CYTH1: variants seen among roughly 807,000 people sequenced by gnomAD.
CYTH1 encodes the protein cytohesin-1.
CYTH1 carries 18 observed loss-of-function variants against 61.8 expected under a neutral mutation model. The ratio of observed to expected loss-of-function variants is 0.29; its 90% CI spans 0.20 to 0.43. The LOEUF is 0.43. Ranked by LOEUF, CYTH1 falls within the 20% of genes least tolerant of loss-of-function variation. The probability of loss-of-function intolerance (pLI) is 1.00; values close to 1 mark genes in which losing one functional copy is unlikely to be tolerated. For synonymous variants in CYTH1, 174 were observed against 184.3 expected, an observed-to-expected ratio of 0.94 and a Z score of 0.45; for missense variants, 336 against 510.5, an observed-to-expected ratio of 0.66 and a Z score of 3.29.
chr17:78,776,542 C>T (rs2093491797), intron 1 of CYTH1, among the ~76,000 whole-genome samples: 1 of 151,684 alleles, frequency 6.6e-6, no homozygotes, highest in South Asian at 2.1e-4. Context: ...GCCTGTTGTC[C>T]CAGCTACTCA....
intron 11 of CYTH1, among the ~76,000 whole-genome samples, chr17:78,688,440 T>C (rs1316385419): frequency 6.6e-6 from 1 of 152,188 alleles, no homozygotes; most frequent in African/African-American, 2.4e-5. Flanking sequence ...TCTCTAACAA[T>C]TGTGCCTCAA....
intron 1 of CYTH1, among the ~76,000 whole-genome samples, chr17:78,747,847 T>C (rs145646814): frequency 3.0e-4 from 46 of 152,350 alleles, no homozygotes; most frequent in African/African-American, 1.0e-3. Flanking sequence ...ACTGCTGCTA[T>C]AAGCACGTAA....
At chr17:78,688,083 C>G (rs1000951511) in intron 11 of CYTH1, among the ~76,000 whole-genome samples, 1 of 152,182 alleles carries the variant, frequency 6.6e-6, no homozygotes, top group Non-Finnish European at 1.5e-5. Context: ...TCAGGTGACA[C>G]TTTTTGGCTA....
At chr17:78,758,186 A>C (rs79458485) in intron 1 of CYTH1, among the ~76,000 whole-genome samples, 4,306 of 152,294 alleles carry the variant, frequency 0.028, 205 homozygotes, top group African/African-American at 0.096. Context: ...ACAAAGTGGA[A>C]ACTTCTAAAT....
chr17:78,752,367 C>T (rs755766795), intron 1 of CYTH1, among the ~76,000 whole-genome samples: 1 of 152,134 alleles, frequency 6.6e-6, no homozygotes, highest in Non-Finnish European at 1.5e-5. Flanking sequence ...AGTAAAATCT[C>T]TACTATCAAT....
chr17:78,775,337 CCT>C (rs1424089570), intron 1 of CYTH1, among the ~76,000 whole-genome samples: 1 of 152,130 alleles, frequency 6.6e-6, no homozygotes, highest in South Asian at 2.1e-4. Context: ...TCTTTTTACC[CCT>C]GTCCTGAGTA....
intron 1 of CYTH1, among the ~76,000 whole-genome samples, chr17:78,776,841 A>G (rs903772005): frequency 2.0e-5 from 3 of 151,620 alleles, no homozygotes; most frequent in African/African-American, 7.3e-5. Context: ...AAAGAAACCA[A>G]TAGGCCAGGT....
chr17:78,739,970 C>G (rs183432740), intron 1 of CYTH1, among the ~76,000 whole-genome samples: 1 of 152,066 alleles, frequency 6.6e-6, no homozygotes. Flanking sequence ...GAGTCTCGCT[C>G]TGTTGCCCAG....
At chr17:78,731,957 A>C (rs1274837389) in intron 1 of CYTH1, among the ~76,000 whole-genome samples, 1 of 152,226 alleles carries the variant, frequency 6.6e-6, no homozygotes. Flanking sequence ...TTTAACCAGC[A>C]GTAAACTGCA....
At chr17:78,729,240 T>G (rs757147049) in intron 1 of CYTH1, among the ~76,000 whole-genome samples, 1 of 152,158 alleles carries the variant, frequency 6.6e-6, no homozygotes, top group Non-Finnish European at 1.5e-5. Context: ...CCAGAATAGC[T>G]GGGACTATAA....
intron 1 of CYTH1, among the ~76,000 whole-genome samples, chr17:78,727,322 CT>C (rs2093272005): frequency 6.6e-6 from 1 of 152,050 alleles, no homozygotes; most frequent in Non-Finnish European, 1.5e-5. Flanking sequence ...GTTTTTTTTA[CT>C]TTTTTCTTTA....
chr17:78,680,473 T>C, intron 12 of CYTH1, 129 bp from the exon 13 acceptor site: 3 of 1,121,642 alleles, frequency 2.7e-6, no homozygotes, highest in Non-Finnish European at 3.7e-6. Flanking sequence ...TATTTTCCTG[T>C]GGAAAAGTGA....
chr17:78,686,709 C>T (rs1031153229), intron 11 of CYTH1, among the ~76,000 whole-genome samples: 16 of 152,262 alleles, frequency 1.1e-4, no homozygotes, highest in Non-Finnish European at 1.9e-4. Flanking sequence ...AATTTTTCCA[C>T]GGACAAAGGC....
At chr17:78,735,584 C>A (rs1351285611) in intron 1 of CYTH1, among the ~76,000 whole-genome samples, 2 of 152,198 alleles carry the variant, frequency 1.3e-5, no homozygotes, top group East Asian at 1.9e-4. Context: ...CAGCGTCCCC[C>A]ACGCGTGCTG....
intron 3 of CYTH1, among the ~76,000 whole-genome samples, chr17:78,706,597 G>T (rs1567847697): frequency 6.6e-6 from 1 of 152,186 alleles, no homozygotes; most frequent in Non-Finnish European, 1.5e-5. Context: ...AGATATTCTT[G>T]TACAAGTCTT....
Position 78,737,876 on chromosome 17 carries a change from C to T in CYTH1, c.23-28144G>A, listed in dbSNP as rs1598897814. 7.0e-5 allele frequency among the ~76,000 whole-genome samples: 3 copies of T among 42,596 alleles called. No individual in the cohort carries two copies. In the South Asian group the frequency reaches 1.7e-3, roughly 24 times the overall value. 27.9% of individuals were successfully genotyped at this position (42,596 alleles called of 152,430 possible). A position where few individuals can be genotyped will look rare whatever the true frequency, so the allele number is the denominator to read the frequency against. Reference sequence around the variant, plus strand: ...ATATTCTCTCTCTCTTCTATAGATACACACACACACACACACACACACACG... The same window carrying T: ...ATATTCTCTCTCTCTTCTATAGATATACACACACACACACACACACACACG... On this transcript the variant is annotated intron_variant, in intron 1 of 13. Coordinates refer to ENST00000446868, the MANE Select transcript of CYTH1 (RefSeq NM_004762.6).
intron 1 of CYTH1, among the ~76,000 whole-genome samples, chr17:78,770,271 C>T (rs1350368331): frequency 1.4e-5 from 2 of 140,478 alleles, no homozygotes; most frequent in Admixed American, 7.6e-5. Context: ...TGCAGTGAGT[C>T]GAAATTGTGC....
chr17:78,760,443 GTA>G lies in CYTH1; in HGVS notation c.22+21757_22+21758del, dbSNP rs796569849. Among the ~76,000 whole-genome samples, 315 of 31,854 alleles carry G rather than the reference GTA, an allele frequency of 9.9e-3. 52 individuals are homozygous for G. Among genetic ancestry groups the G allele is most frequent in the South Asian group, 0.029 (32 of 1,118 alleles). The allele number at this position is 31,854 out of a possible 152,430, so 20.9% of individuals were successfully genotyped here. ...TATATATACACATACATATATATAT[GTA>G]TATATATATACATACATATATATAT... On this transcript the variant is annotated intron_variant, in intron 1 of 13. Coordinates refer to ENST00000446868, the MANE Select transcript of CYTH1 (RefSeq NM_004762.6).
intron 1 of CYTH1, among the ~76,000 whole-genome samples, chr17:78,752,230 T>C (rs2093383105): frequency 6.6e-6 from 1 of 152,188 alleles, no homozygotes; most frequent in Admixed American, 6.5e-5. Flanking sequence ...CTATTTCTAG[T>C]AGGTTTAGAG....
Sources: allele counts gnomAD v4.1 joint callset (sites outside exome capture counted in the v4.1 genomes callset), GRCh38; gene constraint gnomAD v4.1.1; transcripts MANE v1.5; gene names NCBI Gene and HGNC (gene_info 2026-07-23, HGNC 2026-07-21).